Variants in TMEM67 observed in about 807,000 individuals in gnomAD.
TMEM67 encodes meckelin.
TMEM67 carries 124 observed loss-of-function variants against 136.6 expected under a neutral mutation model. The observed-to-expected ratio is 0.91, with a 90% confidence interval of 0.78 to 1.05. The LOEUF is 1.05. TMEM67 is among the 50% of genes least tolerant of loss of function. TMEM67 has a pLI of 0.00. For synonymous variants in TMEM67, 364 were observed against 390.5 expected (o/e 0.93, Z 0.80); for missense variants, 1,107 against 1,178.4 (o/e 0.94, Z 0.89).
At chr8:93,822,666 C>T (rs1034983590), downstream of TMEM67, among the ~76,000 whole-genome samples, 1 of 152,210 alleles carries the variant, frequency 6.6e-6, no homozygotes, top group African/African-American at 2.4e-5. Flanking sequence ...TCTCCCTTTA[C>T]TGCATCAGAG....
Position 93,803,595 on chromosome 8 carries a change from A to T in TMEM67, c.2242-9A>T, listed in dbSNP as rs775871153. ...AGCTAATAAGCATAAACTTGACTTAATGTTTCAGGTCGTGTTCTTTGCTGT... is the reference window on the plus strand; with the variant it reads ...AGCTAATAAGCATAAACTTGACTTATTGTTTCAGGTCGTGTTCTTTGCTGT... On this transcript the variant is annotated splice_polypyrimidine_tract_variant and intron_variant, in intron 21 of 27. Coordinates refer to ENST00000453321, the MANE Select transcript of TMEM67 (RefSeq NM_153704.6). 1.1e-5 allele frequency: 17 copies of T among 1,557,394 alleles called. 1 individual carries two copies. In the South Asian group the frequency reaches 1.2e-4, roughly 11 times the overall value.
At chr8:93,777,220 C>A (rs369549686) in intron 7 of TMEM67, among the ~76,000 whole-genome samples, 1 of 151,890 alleles carries the variant, frequency 6.6e-6, no homozygotes, top group African/African-American at 2.4e-5. Flanking sequence ...TTTTTTATTG[C>A]GTCTATTTGA....
Position 93,785,378 on chromosome 8 carries a change from G to T in TMEM67, c.1288G>T (p.Asp430Tyr). The T allele has an allele frequency of 6.2e-7, 1 of 1,612,294 alleles. No homozygotes were observed. Among genetic ancestry groups the T allele is most frequent in the Non-Finnish European group, 8.5e-7 (1 of 1,179,154 alleles). The change falls in exon 12 of 28, where the codon GAC becomes TAC. Residue 430 changes from aspartate to tyrosine, a missense_variant and splice_region_variant. Physicochemically the swap from Asp to Tyr is radical, Grantham distance 160. Around this residue, in one of 3 missense-constraint regions of TMEM67, gnomAD observed 925 missense variants for 1,002.4 expected, o/e 0.92. Transcript: ENST00000453321. ...LQHNKIFVNQDSNSGKWLLTR... is the reference protein window; with the variant it reads ...LQHNKIFVNQYSNSGKWLLTR... ...ACATAATAAGATATTTGTGAACCAA[G>T]GTAAGACATCCATACATACCACTCT...
chr8:93,755,235 G>C (rs1812516968), intron 1 of TMEM67, 98 bp downstream of exon 1: 1 of 1,216,368 alleles, frequency 8.2e-7, no homozygotes, highest in Non-Finnish European at 1.2e-6. Context: ...GATCAGGCTA[G>C]TCTCGAACTT....
chr8:93,808,921 C>T lies in TMEM67; in HGVS notation c.2521C>T (p.Gln841Ter), dbSNP rs371452453. ...GATTGCAATTTCTAACCAGATGAGA[C>T]AACATTATGACAGAATTCATGAGAC... Reference protein sequence around the residue: ...FEIAISNQMRQHYDRIHETLI... With the variant: ...FEIAISNQMR Residue 841 changes from glutamine (Q) to a stop codon, truncating the protein, a stop_gained, in exon 24 of 28, where the codon CAA becomes TAA. Coordinates refer to ENST00000453321, the MANE Select transcript of TMEM67 (RefSeq NM_153704.6). LOFTEE classifies it high-confidence loss of function. The T allele has an allele frequency of 1.8e-5, 29 of 1,611,344 alleles. No homozygotes were observed. The highest frequency in any genetic ancestry group is 2.4e-5 in the Non-Finnish European group (28 of 1,177,886).
At chr8:93,811,964 A>G (rs1300716610) in intron 26 of TMEM67, among the ~76,000 whole-genome samples, 2 of 151,962 alleles carry the variant, frequency 1.3e-5, no homozygotes, top group Non-Finnish European at 2.9e-5. Flanking sequence ...AGCTTGGCCA[A>G]TATGGTGAAA....
intron 1 of TMEM67, 27 bp from the exon 2 acceptor site, chr8:93,755,751 C>CTTTTTTTTTTTTTT: frequency 4.7e-6 from 3 of 632,464 alleles, no homozygotes; most frequent in South Asian, 4.4e-5. Context: ...ATAAAATTGG[C>CTTTTTTTTTTTTTT]TTTTTTTTTT....
intron 23 of TMEM67, among the ~76,000 whole-genome samples, chr8:93,807,917 T>C (rs1815226564): frequency 6.6e-6 from 1 of 151,990 alleles, no homozygotes; most frequent in Admixed American, 6.6e-5. Flanking sequence ...CCAAGTTGTG[T>C]CAGGGAAACC....
chr8:93,824,691 C>T, the TMEM67 span, among the ~76,000 whole-genome samples: 4 of 152,116 alleles, frequency 2.6e-5, no homozygotes, highest in African/African-American at 9.7e-5. Flanking sequence ...AACTCTCCCA[C>T]CTCTATGAGT....
At chr8:93,790,401 C>T (rs1814324068) in intron 14 of TMEM67, among the ~76,000 whole-genome samples, 1 of 152,220 alleles carries the variant, frequency 6.6e-6, no homozygotes, top group Non-Finnish European at 1.5e-5. Context: ...ATTTACAGTA[C>T]CTTTTCCAAT....
Position 93,785,259 on chromosome 8 carries a change from C to T in TMEM67, c.1169C>T (p.Pro390Leu). 6.3e-7 allele frequency: 1 copy of T among 1,596,942 alleles called. No individual in the cohort carries two copies. Among genetic ancestry groups the T allele is most frequent in the Non-Finnish European group, 8.6e-7 (1 of 1,166,032 alleles). ...ATCTCTAAGATCTTAATTGACTTTC[C>T]CACTCCTATATTTTATGATGTGTAC... ...IPISKILIDFPTPIFYDVYLE... is the reference protein window; with the variant it reads ...IPISKILIDFLTPIFYDVYLE... Residue 390 changes from proline to leucine, a missense_variant, in exon 12 of 28, where the codon CCC becomes CTC. This residue lies in a region of TMEM67 where 925 missense variants were observed against 1,002.4 expected (regional missense o/e 0.92). Transcript: ENST00000453321.
At chr8:93,795,612 A>G in intron 17 of TMEM67, 105 bp downstream of exon 17, 1 of 1,067,428 alleles carries the variant, frequency 9.4e-7, no homozygotes. Context: ...GATCAACAGT[A>G]TTAAGAAAAG....
intron 23 of TMEM67, among the ~76,000 whole-genome samples, chr8:93,806,274 A>G (rs1272293375): frequency 2.0e-5 from 3 of 152,214 alleles, no homozygotes; most frequent in Non-Finnish European, 2.9e-5. Flanking sequence ...AGACAAACCA[A>G]CTATTAAAAA....
the TMEM67 span, among the ~76,000 whole-genome samples, chr8:93,831,524 T>C: frequency 6.6e-6 from 1 of 152,210 alleles, no homozygotes; most frequent in Non-Finnish European, 1.5e-5. Flanking sequence ...CATTCGCCAA[T>C]CTTCCAACCT....
intron 26 of TMEM67, among the ~76,000 whole-genome samples, chr8:93,813,768 A>G (rs1808791604): frequency 2.0e-5 from 3 of 152,192 alleles, no homozygotes; most frequent in African/African-American, 7.2e-5. Flanking sequence ...CATTAAATAT[A>G]AGGGACCAGG....
the TMEM67 span, among the ~76,000 whole-genome samples, chr8:93,829,380 CTCTGTG>C: frequency 2.1e-4 from 32 of 150,362 alleles, no homozygotes; most frequent in Middle Eastern, 3.4e-3. Flanking sequence ...CTCTCTCTCT[CTCTGTG>C]TGTGTGTGTG....
At chr8:93,764,331 T>G (rs1168249435) in intron 4 of TMEM67, among the ~76,000 whole-genome samples, 1 of 152,200 alleles carries the variant, frequency 6.6e-6, no homozygotes, top group East Asian at 1.9e-4. Flanking sequence ...TGTTACATAA[T>G]TTGTATATAA....
the TMEM67 span, among the ~76,000 whole-genome samples, chr8:93,831,372 A>G: frequency 6.6e-6 from 1 of 152,304 alleles, no homozygotes; most frequent in Non-Finnish European, 1.5e-5. Flanking sequence ...CTTGTTGAAA[A>G]TTTTGCCAAC....
At chr8:93,758,365 G>A in intron 2 of TMEM67, 118 bp from the exon 3 acceptor site, 1 of 741,980 alleles carries the variant, frequency 1.3e-6, no homozygotes, top group South Asian at 1.7e-5. Flanking sequence ...GCTCATATAT[G>A]TATGATTTAT....
Sources: allele counts gnomAD v4.1 joint callset (sites outside exome capture counted in the v4.1 genomes callset), GRCh38; gene constraint gnomAD v4.1.1; regional missense constraint gnomAD v4.1.1; transcripts MANE v1.5; gene names NCBI Gene and HGNC (gene_info 2026-07-23, HGNC 2026-07-21).